DHRSX: variants seen among roughly 807,000 people sequenced by gnomAD.
The protein encoded by DHRSX is dehydrogenase/reductase X-linked.
A neutral mutation model predicts 34.0 loss-of-function variants in DHRSX; 31 were observed. The ratio of observed to expected loss-of-function variants is 0.91; its 90% confidence interval spans 0.69 to 1.23. DHRSX has a LOEUF of 1.23. Among genes scored for constraint, DHRSX ranks in the 50% most tolerant of loss-of-function variants. The pLI, the probability that DHRSX is intolerant of heterozygous loss-of-function variation, is 0.00. For missense variants in DHRSX, 414 were observed against 428.1 expected (o/e 0.97, Z 0.29); for synonymous variants, 201 against 183.8 (o/e 1.09, Z -0.76).
chrX:2,432,284 T>C (rs2043936823), intron 1 of DHRSX, among the ~76,000 whole-genome samples: 2 of 152,184 alleles, frequency 1.3e-5, no homozygotes, highest in Admixed American at 1.3e-4. Flanking sequence ...GGTGTCAGAA[T>C]GACCCAAGTC....
At chrX:2,377,192 G>A (rs1351242362) in intron 3 of DHRSX, among the ~76,000 whole-genome samples, 2 of 151,988 alleles carry the variant, frequency 1.3e-5, no homozygotes, top group African/African-American at 4.8e-5. Context: ...TGAGTGCAGG[G>A]GGAAGGATCT....
chrX:2,427,081 C>T (rs2043859813), intron 1 of DHRSX, among the ~76,000 whole-genome samples: 2 of 152,204 alleles, frequency 1.3e-5, no homozygotes, highest in African/African-American at 4.8e-5. Flanking sequence ...CTCACATCTT[C>T]CAGTTATGAA....
intron 1 of DHRSX, among the ~76,000 whole-genome samples, chrX:2,456,595 C>A (rs961555738): frequency 2.4e-5 from 3 of 125,494 alleles, no homozygotes; most frequent in Non-Finnish European, 3.2e-5. Context: ...GCCTGGGGGA[C>A]ACAGCAAGAC....
chrX:2,246,521 G>A (rs1312179743), intron 5 of DHRSX, among the ~76,000 whole-genome samples: 1 of 151,900 alleles, frequency 6.6e-6, no homozygotes, highest in Non-Finnish European at 1.5e-5. Context: ...TACTTGGGAG[G>A]CTGAGGCAGG....
intron 3 of DHRSX, among the ~76,000 whole-genome samples, chrX:2,331,464 T>TTTTTTTTTTTTA (rs2042476129): frequency 7.7e-6 from 1 of 130,666 alleles, no homozygotes; most frequent in Non-Finnish European, 1.6e-5. Flanking sequence ...TTTTTTTTTT[T>TTTTTTTTTTTTA]GAGACGGAGT....
rs149378297 is a variant in DHRSX, at chrX:2,303,371, G to A, written c.287-11768C>T. Among the ~76,000 whole-genome samples the A allele has an allele frequency of 8.4e-3, 1,283 of 152,140 alleles. 20 individuals carry two copies. Among genetic ancestry groups the A allele is most frequent in the African/African-American group, 0.029 (1,202 of 41,516 alleles). Reference sequence around the variant, plus strand: ...GTGGATTTCTCACGAATGGGTTAGCGCCATCCCCTTGGTGATGTTCTTGTG... The same window carrying A: ...GTGGATTTCTCACGAATGGGTTAGCACCATCCCCTTGGTGATGTTCTTGTG... On this transcript the variant is annotated intron_variant, in intron 3 of 6. Coordinates refer to ENST00000334651, the MANE Select transcript of DHRSX (RefSeq NM_145177.3).
At chrX:2,394,860 C>T (rs891782784) in intron 3 of DHRSX, among the ~76,000 whole-genome samples, 16 of 148,946 alleles carry the variant, frequency 1.1e-4, no homozygotes, top group East Asian at 4.0e-4. Flanking sequence ...AGTGAGACTC[C>T]GTCTCATGAA....
chrX:2,367,059 C>T (rs1241824809), intron 3 of DHRSX, among the ~76,000 whole-genome samples: 1 of 152,072 alleles, frequency 6.6e-6, no homozygotes, highest in Non-Finnish European at 1.5e-5. Flanking sequence ...AAGCCATTCC[C>T]CATCAGGAAG....
rs201062221 is a variant in DHRSX, at chrX:2,227,685, AAAG to A, written c.805-6459_805-6457del. Among the ~76,000 whole-genome samples the A allele has an allele frequency of 6.4e-3, 428 of 66,480 alleles. 23 individuals carry two copies. Among genetic ancestry groups the A allele is most frequent in the African/African-American group, 0.029 (406 of 14,202 alleles). The allele number at this position is 66,480 out of a possible 152,430, so 43.6% of individuals were successfully genotyped here. On this transcript the variant is annotated intron_variant, in intron 6 of 6. Coordinates refer to ENST00000334651, the MANE Select transcript of DHRSX (RefSeq NM_145177.3). The stretch of plus-strand genomic sequence containing the variant: ...AAGGAAAAGAGACAGAAAGAAAAAA[AAAG>A]AAGAGAAACAAAGAACCAAAGAGAA...
intron 3 of DHRSX, among the ~76,000 whole-genome samples, chrX:2,397,237 C>A (rs1178015942): frequency 1.3e-5 from 2 of 152,078 alleles, no homozygotes; most frequent in South Asian, 4.2e-4. Flanking sequence ...TGGGCTCAAG[C>A]GATCCTCCTG....
intron 1 of DHRSX, among the ~76,000 whole-genome samples, chrX:2,447,129 T>A (rs1291823075): frequency 6.6e-6 from 1 of 151,526 alleles, no homozygotes; most frequent in Non-Finnish European, 1.5e-5. Context: ...CCTAAGAATG[T>A]GGCCAAGGAA....
intron 3 of DHRSX, among the ~76,000 whole-genome samples, chrX:2,346,340 T>G (rs2042711398): frequency 6.6e-6 from 1 of 152,176 alleles, no homozygotes; most frequent in Non-Finnish European, 1.5e-5. Context: ...CAGGATTTAA[T>G]ACGTGCTCAA....
At chrX:2,421,020 C>G (rs770690264) in intron 2 of DHRSX, among the ~76,000 whole-genome samples, 1 of 152,292 alleles carries the variant, frequency 6.6e-6, no homozygotes, top group East Asian at 1.9e-4. Flanking sequence ...TACTATTTTA[C>G]AAACCCTGAA....
intron 1 of DHRSX, among the ~76,000 whole-genome samples, chrX:2,495,407 T>G (rs943862849): frequency 2.6e-5 from 4 of 152,144 alleles, no homozygotes; most frequent in Non-Finnish European, 4.4e-5. Flanking sequence ...TCTATTCTAT[T>G]ATGATGATCA....
intron 3 of DHRSX, among the ~76,000 whole-genome samples, chrX:2,336,807 T>C (rs950327705): frequency 6.6e-6 from 1 of 151,286 alleles, no homozygotes; most frequent in Admixed American, 6.7e-5. Flanking sequence ...CTTCCAAGTG[T>C]GTGGTCGTTT....
chrX:2,371,584 T>G (rs2043070416), intron 3 of DHRSX, among the ~76,000 whole-genome samples: 1 of 148,582 alleles, frequency 6.7e-6, no homozygotes, highest in African/African-American at 2.5e-5. Context: ...CCATAGTACC[T>G]CCTCCCATTA....
At chrX:2,491,066 G>GTTTTTTTT (rs900738620) in intron 1 of DHRSX, among the ~76,000 whole-genome samples, 3 of 110,246 alleles carry the variant, frequency 2.7e-5, no homozygotes, top group Admixed American at 1.0e-4. Flanking sequence ...AGTGCCTTTA[G>GTTTTTTTT]TTTTTTTTTT....
intron 1 of DHRSX, chrX:2,489,297 G>A (rs1417226742): frequency 5.6e-6 from 9 of 1,613,966 alleles, no homozygotes; most frequent in Non-Finnish European, 7.6e-6. Context: ...CGGGGGTCCA[G>A]GAAGGTGGCC....
chrX:2,325,257 C>T (rs750896816), intron 3 of DHRSX, among the ~76,000 whole-genome samples: 9 of 152,012 alleles, frequency 5.9e-5, no homozygotes, highest in African/African-American at 2.2e-4. Flanking sequence ...CGACTAGACA[C>T]GTTCAAGATG....
Sources: gnomAD v4.1 joint callset for allele counts (sites outside exome capture counted in the v4.1 genomes callset) on GRCh38, gnomAD v4.1.1 for gene constraint, MANE v1.5 for transcripts, NCBI Gene and HGNC (gene_info 2026-07-23, HGNC 2026-07-21) for gene names.